Variants in DCAF1 observed in about 807,000 individuals in gnomAD.
The protein encoded by DCAF1 is DDB1- and CUL4-associated factor 1.
In DCAF1, 15 loss-of-function variants were observed where a neutral mutation model predicts 128.0. That is an observed-to-expected ratio of 0.12 (90% CI 0.08 to 0.18). The LOEUF (loss-of-function observed/expected upper bound fraction) is 0.18. Among genes scored for constraint, DCAF1 ranks in the 10% least tolerant of loss-of-function variants. The pLI is 1.00. For missense variants in DCAF1, 988 were observed against 1,649.5 expected (o/e 0.60, Z 6.95); for synonymous variants, 610 against 603.0 (o/e 1.01, Z -0.17).
At chr3:51,502,618 G>C (rs1315217928), upstream of DCAF1, among the ~76,000 whole-genome samples, 4 of 151,914 alleles carry the variant, frequency 2.6e-5, no homozygotes, top group Non-Finnish European at 5.9e-5. Context: ...CTGGGTTGGT[G>C]ATGGGAGCAA....
At position 51,441,749 on chromosome 3, in the gene DCAF1, A is replaced by G; in HGVS notation, c.662T>C (p.Met221Thr). 6.2e-7 allele frequency: 1 copy of G among 1,613,970 alleles called. No homozygotes were observed. Among genetic ancestry groups the G allele is most frequent in the East Asian group, 2.2e-5 (1 of 44,878 alleles). Reference sequence around the variant, plus strand: ...GTCTCCATCCACTACATCTACAGCCATGTCACCATAGTCCATATCCACAGC... The same window carrying G: ...GTCTCCATCCACTACATCTACAGCCGTGTCACCATAGTCCATATCCACAGC... ...EEAVDMDYGDMAVDVVDGDQE... is the reference protein window; with the variant it reads ...EEAVDMDYGDTAVDVVDGDQE... Residue 221 changes from methionine to threonine, a missense_variant, in exon 8 of 25, where the codon ATG becomes ACG. Around this residue, in one of 11 missense-constraint regions of DCAF1, gnomAD observed 210 missense variants for 260.2 expected, o/e 0.81. Coordinates refer to ENST00000684031, the MANE Select transcript of DCAF1 (RefSeq NM_001387579.1).
At chr3:51,430,352 G>A in intron 10 of DCAF1, 140 bp from the exon 11 acceptor site, 1 of 552,898 alleles carries the variant, frequency 1.8e-6, no homozygotes. Flanking sequence ...ACAAAGTTTA[G>A]GTAATAATAC....
chr3:51,407,168 AAAAAAAAAAAAC>A (rs1189801430), intron 23 of DCAF1, among the ~76,000 whole-genome samples: 3 of 151,014 alleles, frequency 2.0e-5, no homozygotes, highest in Non-Finnish European at 3.0e-5. Context: ...CAAAAAAAAA[AAAAAAAAAAAAC>A]AACAACAAAA....
chr3:51,402,204 G>A (rs1236601434), intron 24 of DCAF1, among the ~76,000 whole-genome samples: 1 of 152,136 alleles, frequency 6.6e-6, no homozygotes, highest in Admixed American at 6.5e-5. Flanking sequence ...GAAGCCAAAG[G>A]GAAAATATTT....
At chr3:51,483,666 GAGT>G (rs1553653929) in intron 3 of DCAF1, 50 bp downstream of exon 3, 8 of 1,089,554 alleles carry the variant, frequency 7.3e-6, no homozygotes, top group Non-Finnish European at 9.9e-6. Context: ...TCTAGCGTAT[GAGT>G]TGTGTCCGAG....
At chr3:51,498,258 G>A (rs1350137510) in intron 1 of DCAF1, among the ~76,000 whole-genome samples, 3 of 150,574 alleles carry the variant, frequency 2.0e-5, no homozygotes, top group Non-Finnish European at 2.9e-5. Context: ...TACTCCGGAG[G>A]CTGAGGCAGG....
chr3:51,460,119 C>G (rs1215992215), intron 6 of DCAF1, among the ~76,000 whole-genome samples: 1 of 152,154 alleles, frequency 6.6e-6, no homozygotes, highest in Non-Finnish European at 1.5e-5. Context: ...GTCAAATTGT[C>G]CCTGTTGGCA....
At chr3:51,396,804 C>T (rs143467951), downstream of DCAF1, 81 of 167,220 alleles carry the variant, frequency 4.8e-4, 1 homozygote, top group South Asian at 2.1e-3. Context: ...AGACTGGCTC[C>T]GTTGAGTTAA....
intron 2 of DCAF1, among the ~76,000 whole-genome samples, chr3:51,486,439 C>T (rs1269650874): frequency 6.6e-6 from 1 of 151,602 alleles, no homozygotes; most frequent in African/African-American, 2.4e-5. Context: ...GGTGATCCTC[C>T]TGCCTTAGCC....
At chr3:51,452,474 G>A (rs1055613786) in intron 6 of DCAF1, among the ~76,000 whole-genome samples, 2 of 152,014 alleles carry the variant, frequency 1.3e-5, no homozygotes, top group Admixed American at 1.3e-4. Flanking sequence ...CTAAACACTG[G>A]ATTCAAGACA....
chr3:51,504,570 A>G (rs1708897874), upstream of DCAF1, among the ~76,000 whole-genome samples: 1 of 151,584 alleles, frequency 6.6e-6, no homozygotes, highest in South Asian at 2.1e-4. Flanking sequence ...CTGGTCTCGA[A>G]CTCCTGACCT....
At chr3:51,493,378 G>A (rs1258304447) in intron 2 of DCAF1, among the ~76,000 whole-genome samples, 3 of 152,108 alleles carry the variant, frequency 2.0e-5, no homozygotes, top group Non-Finnish European at 4.4e-5. Context: ...TCAGAAGGCA[G>A]AGGTTGAAGT....
intron 1 of DCAF1, among the ~76,000 whole-genome samples, 168 bp downstream of exon 1, chr3:51,499,705 G>GC (rs1708645558): frequency 2.0e-5 from 3 of 151,762 alleles, no homozygotes; most frequent in African/African-American, 7.2e-5. Context: ...GTCCTGTCAG[G>GC]CCCCGGGCCC....
chr3:51,486,133 G>T (rs1415645218), intron 2 of DCAF1, among the ~76,000 whole-genome samples: 1 of 150,594 alleles, frequency 6.6e-6, no homozygotes, highest in Non-Finnish European at 1.5e-5. Context: ...CTCATGATCT[G>T]CCTGCCTTGG....
At chr3:51,498,228 C>CGCGT (rs1708452371) in intron 1 of DCAF1, among the ~76,000 whole-genome samples, 1 of 150,752 alleles carries the variant, frequency 6.6e-6, no homozygotes, top group Non-Finnish European at 1.5e-5. Flanking sequence ...GGCGTGGTGG[C>CGCGT]GCGTGCCTGT....
intron 23 of DCAF1, among the ~76,000 whole-genome samples, chr3:51,411,158 T>A: frequency 8.1e-6 from 1 of 124,086 alleles, no homozygotes; most frequent in African/African-American, 3.1e-5. Flanking sequence ...CAGAACTCCA[T>A]CTCAGAAAAA....
At chr3:51,493,649 G>C (rs1336473759) in intron 2 of DCAF1, among the ~76,000 whole-genome samples, 1 of 151,986 alleles carries the variant, frequency 6.6e-6, no homozygotes, top group Non-Finnish European at 1.5e-5. Context: ...GAAAAACCTT[G>C]AAAACAATAA....
chr3:51,414,835 T>C lies in DCAF1; in HGVS notation c.3626A>G (p.Asn1209Ser), dbSNP rs782370601. The C allele has an allele frequency of 6.2e-6, 10 of 1,613,842 alleles. No individual in the cohort carries two copies. The South Asian group carries it at 6.6e-5, about 11-fold the overall frequency. ...IAHIYDIQTG[N>S]KLLTLFNPDL... ...TGGGTTAAACAGAGTCAACAGCTTG[T>C]TGCCAGTCTGAATATCATAAATCTT... Residue 1209 changes from asparagine (N) to serine (S), a missense_variant, in exon 19 of 25, where the codon AAC becomes AGC. Physicochemically the swap from Asn to Ser is conservative, Grantham distance 46. Coordinates refer to ENST00000684031, the MANE Select transcript of DCAF1 (RefSeq NM_001387579.1).
At position 51,470,912 on chromosome 3, in the gene DCAF1, A is replaced by G; in HGVS notation, c.187+17T>C. Reference sequence around the variant, plus strand: ...AAAGAAAAAAAAAAGACCCACACTTAAGAGCACAAATCTTACCAGGATGTC... The same window carrying G: ...AAAGAAAAAAAAAAGACCCACACTTGAGAGCACAAATCTTACCAGGATGTC... On this transcript the variant is annotated intron_variant, in intron 4 of 24. Coordinates refer to ENST00000684031, the MANE Select transcript of DCAF1 (RefSeq NM_001387579.1). 1 of 1,552,914 alleles carries G rather than the reference A, an allele frequency of 6.4e-7. No individual in the cohort carries two copies. The highest frequency in any genetic ancestry group is 1.2e-5 in the South Asian group (1 of 80,984).
Sources: allele counts gnomAD v4.1 joint callset (sites outside exome capture counted in the v4.1 genomes callset), GRCh38; gene constraint gnomAD v4.1.1; regional missense constraint gnomAD v4.1.1; transcripts MANE v1.5; gene names NCBI Gene and HGNC (gene_info 2026-07-23, HGNC 2026-07-21).